The following KPNA3 variants were observed in gnomAD, a reference collection of about 807,000 sequenced individuals.
KPNA3 encodes importin subunit alpha-4.
KPNA3 carries 13 observed loss-of-function variants against 73.8 expected under a neutral mutation model. The ratio of observed to expected loss-of-function variants is 0.18; its 90% confidence interval spans 0.11 to 0.28. The LOEUF is 0.28. Ranked by LOEUF, KPNA3 falls within the 10% of genes least tolerant of loss-of-function variation. The probability of loss-of-function intolerance (pLI) is 1.00; values close to 1 mark genes in which losing one functional copy is unlikely to be tolerated. For synonymous variants in KPNA3, 186 were observed against 206.9 expected (o/e 0.90, Z 0.87); for missense variants, 360 against 618.1 (o/e 0.58, Z 4.43).
chr13:49,784,214 T>C (rs1262709127), intron 1 of KPNA3, among the ~76,000 whole-genome samples: 1 of 152,090 alleles, frequency 6.6e-6, no homozygotes, highest in Non-Finnish European at 1.5e-5. Context: ...ACAGCAAGAT[T>C]CTGTCTCAAA....
intron 1 of KPNA3, among the ~76,000 whole-genome samples, chr13:49,773,491 C>T (rs1954872085): frequency 2.0e-5 from 3 of 152,036 alleles, no homozygotes; most frequent in Admixed American, 2.0e-4. Context: ...ATATTATGCA[C>T]TTGGATCTGT....
intron 2 of KPNA3, 80 bp downstream of exon 2, chr13:49,746,869 T>C: frequency 9.7e-7 from 1 of 1,031,094 alleles, no homozygotes; most frequent in South Asian, 1.3e-5. Context: ...TTTGCCACAG[T>C]ATTTTCATTA....
chr13:49,755,572 G>A (rs558779382), intron 1 of KPNA3, among the ~76,000 whole-genome samples: 13 of 152,284 alleles, frequency 8.5e-5, no homozygotes, highest in Non-Finnish European at 1.8e-4. Flanking sequence ...TGAGGAGGGC[G>A]GATCACGAGG....
chr13:49,722,184 T>C lies in KPNA3; in HGVS notation c.557-60A>G, dbSNP rs781012378. 2.7e-5 allele frequency: 31 copies of C among 1,141,296 alleles called. No individual in the cohort carries two copies. The Admixed American group carries it at 2.9e-4, about 11-fold the overall frequency. The allele number at this position is 1,141,296 out of a possible 1,614,324, so 70.7% of individuals were successfully genotyped here. On this transcript the variant is annotated intron_variant, in intron 8 of 16. Transcript: ENST00000261667. Reference sequence around the variant, plus strand: ...ACATTCAGGATGAGAAAGTCTGAAATGTATGCAATGGCTCATGTGGGAACA... The same window carrying C: ...ACATTCAGGATGAGAAAGTCTGAAACGTATGCAATGGCTCATGTGGGAACA...
rs142631605 is a variant in KPNA3 at position 49,721,127 on chromosome 13, G to A, written c.726+828C>T. ...CCAGCTACTCAGGAGGCTGAGGCAC[G>A]AGACTCGCTTGAACCCAGGAGGCAG... On this transcript the variant is annotated intron_variant, in intron 9 of 16. Coordinates refer to ENST00000261667, the MANE Select transcript of KPNA3 (RefSeq NM_002267.4). Among the ~76,000 whole-genome samples the A allele has an allele frequency of 9.4e-3, 1,423 of 152,086 alleles. 29 individuals are homozygous for A. The highest frequency in any genetic ancestry group is 0.032 in the African/African-American group (1,346 of 41,484).
intron 1 of KPNA3, among the ~76,000 whole-genome samples, chr13:49,778,646 TTTG>T (rs1340342983): frequency 2.6e-5 from 4 of 152,230 alleles, no homozygotes; most frequent in Admixed American, 6.5e-5. Flanking sequence ...CTTTTGTTTT[TTTG>T]TTGTTGTTTT....
intron 1 of KPNA3, among the ~76,000 whole-genome samples, chr13:49,755,728 T>C (rs1475386416): frequency 6.6e-6 from 1 of 151,840 alleles, no homozygotes. Context: ...GAGGCGGAGG[T>C]TGCAGTGAGC....
chr13:49,771,520 AT>A (rs1954855418), intron 1 of KPNA3, among the ~76,000 whole-genome samples: 1 of 152,158 alleles, frequency 6.6e-6, no homozygotes, highest in Admixed American at 6.5e-5. Flanking sequence ...CAGTGGCGCA[AT>A]CACCATTCAC....
intron 1 of KPNA3, among the ~76,000 whole-genome samples, chr13:49,768,581 T>A (rs560342561): frequency 6.8e-6 from 1 of 146,300 alleles, no homozygotes; most frequent in African/African-American, 2.5e-5. Context: ...TTTTTTTTTT[T>A]TTTTTTTTTT....
chr13:49,787,476 A>T (rs1270651535), intron 1 of KPNA3, among the ~76,000 whole-genome samples: 1 of 152,196 alleles, frequency 6.6e-6, no homozygotes, highest in Non-Finnish European at 1.5e-5. Context: ...AGTACAGCAC[A>T]GTAAGCAAGA....
intron 15 of KPNA3, among the ~76,000 whole-genome samples, chr13:49,703,181 TTC>T (rs1455979625): frequency 2.4e-4 from 27 of 112,814 alleles, no homozygotes; most frequent in East Asian, 1.9e-3. Context: ...TTTTCTTTCT[TTC>T]TTTTTTTTTT....
intron 1 of KPNA3, among the ~76,000 whole-genome samples, chr13:49,777,857 G>A (rs1954910039): frequency 6.6e-6 from 1 of 151,916 alleles, no homozygotes; most frequent in African/African-American, 2.4e-5. Flanking sequence ...GCAATATGAG[G>A]AAACCTTTAT....
chr13:49,726,113 T>C (rs970685300), intron 6 of KPNA3, among the ~76,000 whole-genome samples: 1 of 152,182 alleles, frequency 6.6e-6, no homozygotes, highest in Non-Finnish European at 1.5e-5. Flanking sequence ...CTCTTAAACA[T>C]TTCTTACATT....
intron 1 of KPNA3, among the ~76,000 whole-genome samples, chr13:49,775,145 A>C (rs1327315593): frequency 7.6e-6 from 1 of 131,762 alleles, no homozygotes; most frequent in Non-Finnish European, 1.6e-5. Context: ...CTCAGACGAC[A>C]GAGTGAGACT....
At position 49,747,039 on chromosome 13, in the gene KPNA3, C is replaced by G. The variant is rs749844747; in HGVS notation, c.70-46G>C. 2.9e-6 allele frequency: 4 copies of G among 1,386,418 alleles called. No homozygotes were observed. In the South Asian group the frequency reaches 4.7e-5, roughly 16 times the overall value. 85.9% of individuals were successfully genotyped at this position (1,386,418 alleles called of 1,614,324 possible). A position where few individuals can be genotyped will look rare whatever the true frequency, so the allele number is the denominator to read the frequency against. On this transcript the variant is annotated intron_variant, in intron 1 of 16. Transcript: ENST00000261667. The stretch of plus-strand genomic sequence containing the variant: ...TTACAGATGTATCAAAATACGGACA[C>G]TGCTAGTATATAAAGATCTCAGCTG...
intron 2 of KPNA3, among the ~76,000 whole-genome samples, chr13:49,743,777 C>A (rs1954593667): frequency 6.6e-6 from 1 of 151,940 alleles, no homozygotes; most frequent in African/African-American, 2.4e-5. Context: ...AATGATTAAA[C>A]AAGAGGAGGC....
At chr13:49,735,665 C>T (rs923005899) in intron 2 of KPNA3, among the ~76,000 whole-genome samples, 9 of 152,156 alleles carry the variant, frequency 5.9e-5, no homozygotes, top group Non-Finnish European at 1.0e-4. Context: ...TTTCAACACC[C>T]AACCAATCCT....
chr13:49,733,144 A>C lies in KPNA3; in HGVS notation c.115-98T>G, dbSNP rs185133695. 88 of 764,942 alleles carry C rather than the reference A, an allele frequency of 1.2e-4. No homozygotes were observed. In the African/African-American group the frequency reaches 1.4e-3, roughly 12 times the overall value. 47.4% of individuals were successfully genotyped at this position (764,942 alleles called of 1,614,324 possible). A position where few individuals can be genotyped will look rare whatever the true frequency, so the allele number is the denominator to read the frequency against. ...CAACTTTATTAGGCAATTATGAAAC[A>C]AATACTGAACACATAAGGATAATAT... On this transcript the variant is annotated intron_variant, in intron 2 of 16. Transcript: ENST00000261667.
At chr13:49,791,818 CA>C (rs2137614786) in intron 1 of KPNA3, among the ~76,000 whole-genome samples, 1 of 152,308 alleles carries the variant, frequency 6.6e-6, no homozygotes, top group South Asian at 2.1e-4. Flanking sequence ...ACGACTAGTC[CA>C]AAGACGAGCA....
Sources: gnomAD v4.1 joint callset for allele counts (sites outside exome capture counted in the v4.1 genomes callset) on GRCh38, gnomAD v4.1.1 for gene constraint, MANE v1.5 for transcripts, NCBI Gene and HGNC (gene_info 2026-07-23, HGNC 2026-07-21) for gene names.